The following ITPRID1 variants were observed in gnomAD, a reference collection of about 807,000 sequenced individuals.
ITPRID1 encodes ITPR interacting domain containing 1, also known as protein ITPRID1.
ITPRID1 carries 96 observed loss-of-function variants against 95.4 expected under a neutral mutation model. The ratio of observed to expected loss-of-function variants is 1.01; its 90% CI spans 0.85 to 1.19. The LOEUF (loss-of-function observed/expected upper bound fraction) is 1.19, where lower values mean the gene tolerates loss of function less well. Ranked by LOEUF, ITPRID1 falls within the 50% of genes most tolerant of loss-of-function variation. The pLI is 0.00. For synonymous variants in ITPRID1, 510 were observed against 453.6 expected, an observed-to-expected ratio of 1.12 and a Z score of -1.58; for missense variants, 1,339 against 1,252.9, an observed-to-expected ratio of 1.07 and a Z score of -1.04.
intron 10 of ITPRID1, among the ~76,000 whole-genome samples, chr7:31,616,787 A>T (rs1787279837): frequency 7.0e-6 from 1 of 143,530 alleles, no homozygotes; most frequent in African/African-American, 2.7e-5. Context: ...AAGGTTTCTA[A>T]ATTTCATTTT....
intron 1 of ITPRID1, among the ~76,000 whole-genome samples, chr7:31,537,232 T>C (rs1366347297): frequency 6.6e-6 from 1 of 151,910 alleles, no homozygotes; most frequent in Non-Finnish European, 1.5e-5. Flanking sequence ...ATAAAGGTCA[T>C]AGAAGAGAGA....
chr7:31,532,587 C>G (rs1583466501), intron 1 of ITPRID1, among the ~76,000 whole-genome samples: 1 of 152,170 alleles, frequency 6.6e-6, no homozygotes, highest in Non-Finnish European at 1.5e-5. Flanking sequence ...AATTCCTTTT[C>G]TGCATCTGCT....
At chr7:31,576,764 C>T (rs967469168) in intron 8 of ITPRID1, among the ~76,000 whole-genome samples, 13 of 152,202 alleles carry the variant, frequency 8.5e-5, no homozygotes, top group African/African-American at 3.1e-4. Flanking sequence ...CAACAAAAGA[C>T]AGCATCCTTG....
rs1277351727 is a variant in ITPRID1 at position 31,654,493 on chromosome 7, T to G, written c.*1664T>G. 6.6e-6 allele frequency among the ~76,000 whole-genome samples: 1 copy of G among 152,172 alleles called. No homozygotes were observed. Among genetic ancestry groups the G allele is most frequent in the African/African-American group, 2.4e-5 (1 of 41,460 alleles). On this transcript the variant is annotated 3_prime_UTR_variant, in exon 15 of 15. Transcript: ENST00000615280. ...ATATAATCTGATTTACGTTTTGAAG[T>G]CATGCTGGCTGCTTTATGGAGAAAA...
intron 5 of ITPRID1, among the ~76,000 whole-genome samples, chr7:31,560,829 G>C (rs1784598418): frequency 6.6e-6 from 1 of 152,134 alleles, no homozygotes; most frequent in Admixed American, 6.6e-5. Context: ...ATACAAATCT[G>C]GAGTTCAGAG....
At chr7:31,567,213 T>C (rs1385453440) in intron 5 of ITPRID1, among the ~76,000 whole-genome samples, 1 of 152,222 alleles carries the variant, frequency 6.6e-6, no homozygotes, top group Non-Finnish European at 1.5e-5. Context: ...AGTTATTTCC[T>C]AATAATGGTC....
chr7:31,533,996 TC>T (rs543450290), intron 1 of ITPRID1, among the ~76,000 whole-genome samples: 1 of 152,246 alleles, frequency 6.6e-6, no homozygotes, highest in South Asian at 2.1e-4. Flanking sequence ...GGGCTCTGCC[TC>T]CTGTCAGATC....
chr7:31,614,705 G>A (rs746956713), intron 10 of ITPRID1, among the ~76,000 whole-genome samples: 2 of 147,400 alleles, frequency 1.4e-5, no homozygotes, highest in African/African-American at 5.0e-5. Flanking sequence ...AGTGTAGAGC[G>A]TTGTGGCACA....
chr7:31,622,314 G>GCACCA (rs1787990862), intron 10 of ITPRID1, among the ~76,000 whole-genome samples: 3 of 151,484 alleles, frequency 2.0e-5, no homozygotes, highest in Admixed American at 6.6e-5. Flanking sequence ...TTTTTTTTCA[G>GCACCA]CACCACACCA....
At chr7:31,586,984 T>G (rs1785642812) in intron 10 of ITPRID1, among the ~76,000 whole-genome samples, 1 of 152,152 alleles carries the variant, frequency 6.6e-6, no homozygotes, top group Admixed American at 6.5e-5. Flanking sequence ...GTCTAACGTT[T>G]AAGTCTTTAA....
chr7:31,622,762 C>A (rs1473203780), intron 10 of ITPRID1, among the ~76,000 whole-genome samples: 1 of 151,916 alleles, frequency 6.6e-6, no homozygotes, highest in African/African-American at 2.4e-5. Context: ...AAAATCAGAG[C>A]AGAACTGAAG....
intron 2 of ITPRID1, among the ~76,000 whole-genome samples, chr7:31,551,432 A>G (rs1355093466): frequency 1.4e-5 from 2 of 143,818 alleles, no homozygotes; most frequent in African/African-American, 2.5e-5. Context: ...TTATTACTGA[A>G]ATTTTTATAA....
At chr7:31,515,075 T>C (rs1305594847) in intron 1 of ITPRID1, among the ~76,000 whole-genome samples, 1 of 151,960 alleles carries the variant, frequency 6.6e-6, no homozygotes, top group East Asian at 1.9e-4. Flanking sequence ...TTGGATAATA[T>C]ATAGCTAACT....
intron 5 of ITPRID1, among the ~76,000 whole-genome samples, chr7:31,563,032 C>T (rs77985831): frequency 0.088 from 13,449 of 152,196 alleles, 754 homozygotes; most frequent in Middle Eastern, 0.13. Flanking sequence ...CCCACTGAGA[C>T]GGAATCATCT....
chr7:31,628,500 C>T (rs1175709397), intron 10 of ITPRID1, among the ~76,000 whole-genome samples: 1 of 149,776 alleles, frequency 6.7e-6, no homozygotes, highest in Admixed American at 6.7e-5. Context: ...CTCTGTCACT[C>T]GGGATGGAGT....
At chr7:31,552,330 C>G (rs1402263676) in intron 2 of ITPRID1, among the ~76,000 whole-genome samples, 2 of 148,664 alleles carry the variant, frequency 1.3e-5, no homozygotes, top group Non-Finnish European at 3.0e-5. Context: ...TTTGGACATG[C>G]AACTTAATCT....
At chr7:31,580,060 A>G (rs1286460049) in intron 9 of ITPRID1, among the ~76,000 whole-genome samples, 1 of 152,140 alleles carries the variant, frequency 6.6e-6, no homozygotes, top group Non-Finnish European at 1.5e-5. Flanking sequence ...ACACTTTGGG[A>G]TGCTGAGGCA....
At chr7:31,645,409 A>G (rs1235387210) in intron 12 of ITPRID1, among the ~76,000 whole-genome samples, 2 of 152,156 alleles carry the variant, frequency 1.3e-5, no homozygotes, top group Non-Finnish European at 2.9e-5. Context: ...TATGAACCTA[A>G]TATTAGTGAG....
chr7:31,656,672 G>A (rs1229024264), downstream of ITPRID1, among the ~76,000 whole-genome samples: 5 of 152,170 alleles, frequency 3.3e-5, no homozygotes, highest in Non-Finnish European at 7.4e-5. Context: ...GTTGTAGAAG[G>A]AACTGAGTTT....
Sources: gnomAD v4.1 joint callset for allele counts (sites outside exome capture counted in the v4.1 genomes callset) on GRCh38, gnomAD v4.1.1 for gene constraint, MANE v1.5 for transcripts, NCBI Gene and HGNC (gene_info 2026-07-23, HGNC 2026-07-21) for gene names.